The following MYO5B variants were observed in gnomAD, a reference collection of about 807,000 sequenced individuals.
MYO5B encodes myosin VB, also known as unconventional myosin-Vb.
A neutral mutation model predicts 229.3 loss-of-function variants in MYO5B; 143 were observed. The ratio of observed to expected loss-of-function variants is 0.62; its 90% CI spans 0.54 to 0.72. The LOEUF is 0.72. MYO5B is among the 30% of genes least tolerant of loss of function. The pLI, the probability that MYO5B is intolerant of heterozygous loss-of-function variation, is 0.00. For missense variants in MYO5B, 2,321 were observed against 2,331.0 expected, an observed-to-expected ratio of 1.00 and a Z score of 0.09; for synonymous variants, 918 against 885.2, an observed-to-expected ratio of 1.04 and a Z score of -0.66.
intron 1 of MYO5B, among the ~76,000 whole-genome samples, chr18:50,140,562 A>G (rs1314262045): frequency 6.6e-6 from 1 of 152,214 alleles, no homozygotes; most frequent in Non-Finnish European, 1.5e-5. Flanking sequence ...CCATAGAAAA[A>G]CATTCTCAAT....
intron 4 of MYO5B, among the ~76,000 whole-genome samples, chr18:50,028,200 A>C (rs570301274): frequency 6.6e-6 from 1 of 152,326 alleles, no homozygotes; most frequent in African/African-American, 2.4e-5. Flanking sequence ...TTTACATCCC[A>C]TTAAAGCTGT....
chr18:50,126,720 A>G (rs8091678), intron 1 of MYO5B, among the ~76,000 whole-genome samples: 26,288 of 152,164 alleles, frequency 0.17, 2,519 homozygotes, highest in East Asian at 0.25. Flanking sequence ...ACAGCAGCAC[A>G]GCTCTCCAAG....
Position 49,914,394 on chromosome 18 carries a change from G to C in MYO5B, c.2091-2221C>G, listed in dbSNP as rs1312015234. ...ACTCAGGTAAACTCACTCATTTCGA[G>C]ATATTAAAAGAGAGTAAGTGGATTG... On this transcript the variant is annotated intron_variant, in intron 17 of 39. Coordinates refer to ENST00000285039, the MANE Select transcript of MYO5B (RefSeq NM_001080467.3). Among the ~76,000 whole-genome samples, 9 of 152,156 alleles carry C rather than the reference G, an allele frequency of 5.9e-5. No homozygotes were observed. In the East Asian group the frequency reaches 1.5e-3, roughly 26 times the overall value.
At chr18:50,089,110 T>C (rs749707914) in intron 1 of MYO5B, among the ~76,000 whole-genome samples, 4 of 152,152 alleles carry the variant, frequency 2.6e-5, no homozygotes, top group Admixed American at 6.5e-5. Context: ...CCAGGCACAG[T>C]GGCTCACACC....
chr18:50,101,448 T>C (rs1481116175), intron 1 of MYO5B, among the ~76,000 whole-genome samples: 1 of 151,892 alleles, frequency 6.6e-6, no homozygotes, highest in African/African-American at 2.4e-5. Context: ...AAAAAATAAC[T>C]ATAAAAATGC....
At chr18:49,924,836 C>A (rs924311022) in intron 17 of MYO5B, among the ~76,000 whole-genome samples, 9 of 152,196 alleles carry the variant, frequency 5.9e-5, no homozygotes, top group African/African-American at 1.9e-4. Flanking sequence ...TCCTGATGCA[C>A]CCATCCCTAT....
chr18:50,067,249 AC>A (rs1177385784), intron 1 of MYO5B, among the ~76,000 whole-genome samples: 1 of 152,240 alleles, frequency 6.6e-6, no homozygotes, highest in South Asian at 2.1e-4. Flanking sequence ...CACTGTGAAA[AC>A]CATTTGAGGA....
At chr18:49,900,296 C>A (rs776666767) in intron 21 of MYO5B, among the ~76,000 whole-genome samples, 1 of 152,256 alleles carries the variant, frequency 6.6e-6, no homozygotes, top group East Asian at 1.9e-4. Flanking sequence ...TTCCTTTGCA[C>A]TCTTTTCCCT....
chr18:49,863,419 A>C, intron 28 of MYO5B, 92 bp from the exon 29 acceptor site: 1 of 1,092,072 alleles, frequency 9.2e-7, no homozygotes, highest in Non-Finnish European at 1.4e-6. Context: ...TGCCTTTGGG[A>C]AAAGACAAAG....
At chr18:50,036,275 AT>A (rs2026447582) in intron 4 of MYO5B, among the ~76,000 whole-genome samples, 1 of 152,214 alleles carries the variant, frequency 6.6e-6, no homozygotes, top group Non-Finnish European at 1.5e-5. Context: ...CAGATGTGCT[AT>A]TTTTCAGAGT....
chr18:49,847,120 C>T (rs2024138593), intron 33 of MYO5B, 26 bp downstream of exon 33: 2 of 1,613,570 alleles, frequency 1.2e-6, no homozygotes, highest in Non-Finnish European at 1.7e-6. Flanking sequence ...GGGCAGGCAG[C>T]ATAGGGTGGC....
At chr18:50,046,750 A>G in intron 2 of MYO5B, among the ~76,000 whole-genome samples, 1 of 152,186 alleles carries the variant, frequency 6.6e-6, no homozygotes, top group East Asian at 1.9e-4. Flanking sequence ...GATATAGACC[A>G]ATGGAACAGA....
chr18:50,029,616 T>G (rs2026366945), intron 4 of MYO5B, among the ~76,000 whole-genome samples: 1 of 152,174 alleles, frequency 6.6e-6, no homozygotes, highest in African/African-American at 2.4e-5. Context: ...TACTCAACCA[T>G]AGCCCATGAA....
At chr18:49,963,552 G>A (rs112028700) in intron 10 of MYO5B, among the ~76,000 whole-genome samples, 1 of 151,804 alleles carries the variant, frequency 6.6e-6, no homozygotes, top group African/African-American at 2.4e-5. Flanking sequence ...TCAGCCTCCC[G>A]AGTAGCTGGG....
intron 14 of MYO5B, among the ~76,000 whole-genome samples, chr18:49,947,334 T>C (rs564368195): frequency 3.3e-5 from 5 of 152,018 alleles, no homozygotes; most frequent in African/African-American, 1.2e-4. Flanking sequence ...CTTGATCTCC[T>C]GACCTTGTGA....
chr18:49,969,007 C>T (rs1033671080), intron 10 of MYO5B, among the ~76,000 whole-genome samples: 1 of 152,156 alleles, frequency 6.6e-6, no homozygotes, highest in South Asian at 2.1e-4. Context: ...GGCTTTAGAG[C>T]CCTCTTGAGC....
At chr18:50,024,526 A>G (rs979814047) in intron 4 of MYO5B, among the ~76,000 whole-genome samples, 1 of 152,228 alleles carries the variant, frequency 6.6e-6, no homozygotes, top group African/African-American at 2.4e-5. Context: ...CAAGTCATCA[A>G]TCATGAATCA....
chr18:49,937,480 T>C lies in MYO5B; in HGVS notation c.1753-83A>G, dbSNP rs190725668. 7 of 1,496,744 alleles carry C rather than the reference T, an allele frequency of 4.7e-6. No homozygotes were observed. The African/African-American group carries it at 6.9e-5, about 15-fold the overall frequency. The allele number at this position is 1,496,744 out of a possible 1,614,324, so 92.7% of individuals were successfully genotyped here. A position where few individuals can be genotyped will look rare whatever the true frequency, so the allele number is the denominator to read the frequency against. ...CCTCTCAAAGCTGCTTTTCAACATATACCTGAGAACGGAAAACACACATCC... is the reference window on the plus strand; with the variant it reads ...CCTCTCAAAGCTGCTTTTCAACATACACCTGAGAACGGAAAACACACATCC... On this transcript the variant is annotated intron_variant, in intron 14 of 39. Coordinates refer to ENST00000285039, the MANE Select transcript of MYO5B (RefSeq NM_001080467.3).
At chr18:49,942,703 A>T (rs1389599895) in intron 14 of MYO5B, among the ~76,000 whole-genome samples, 2 of 151,730 alleles carry the variant, frequency 1.3e-5, no homozygotes, top group Admixed American at 6.6e-5. Context: ...ATCATTAAAA[A>T]GTCAGGAAAC....
Sources: allele counts gnomAD v4.1 joint callset (sites outside exome capture counted in the v4.1 genomes callset), GRCh38; gene constraint gnomAD v4.1.1; transcripts MANE v1.5; gene names NCBI Gene and HGNC (gene_info 2026-07-23, HGNC 2026-07-21).